The following RIF1 variants were observed in gnomAD, a reference collection of about 807,000 sequenced individuals.
RIF1 encodes replication timing regulatory factor 1.
In RIF1, 45 loss-of-function variants were observed where a neutral mutation model predicts 247.1. That is an observed-to-expected ratio of 0.18 (90% CI 0.14 to 0.23). RIF1 has a LOEUF of 0.23. Among genes scored for constraint, RIF1 ranks in the 10% least tolerant of loss-of-function variants. The pLI, the probability that RIF1 is intolerant of heterozygous loss-of-function variation, is 1.00. For missense variants in RIF1, 2,967 were observed against 2,862.5 expected (o/e 1.04, Z -0.83); for synonymous variants, 1,087 against 978.8 (o/e 1.11, Z -2.06).
chr2:151,445,258 A>G (rs1004523272), intron 18 of RIF1, 80 bp from the exon 19 acceptor site: 1 of 852,572 alleles, frequency 1.2e-6, no homozygotes, highest in Non-Finnish European at 2.0e-6. Flanking sequence ...TTTGCCCACT[A>G]CTTATAAATA....
intron 21 of RIF1, among the ~76,000 whole-genome samples, 157 bp downstream of exon 21, chr2:151,451,862 C>G (rs1032269005): frequency 6.6e-6 from 1 of 152,118 alleles, no homozygotes; most frequent in Non-Finnish European, 1.5e-5. Flanking sequence ...CATACATGTT[C>G]TCTCTCTTTT....
chr2:151,411,468 G>T (rs572014369), intron 3 of RIF1, 130 bp downstream of exon 3: 1 of 574,424 alleles, frequency 1.7e-6, no homozygotes, highest in African/African-American at 1.9e-5. Flanking sequence ...TCAGGCTCGG[G>T]CTCGGCTCAC....
intron 30 of RIF1, among the ~76,000 whole-genome samples, chr2:151,466,768 TCTTATA>T (rs1355501300): frequency 3.3e-5 from 5 of 152,254 alleles, no homozygotes; most frequent in African/African-American, 1.2e-4. Flanking sequence ...ACTCAACTTG[TCTTATA>T]CTTAACAAAA....
chr2:151,426,451 C>T (rs1402988417), intron 8 of RIF1, among the ~76,000 whole-genome samples: 1 of 150,536 alleles, frequency 6.6e-6, no homozygotes, highest in African/African-American at 2.4e-5. Context: ...TGGCATTACA[C>T]GTGTGAGCCA....
rs1210625767 is a variant in RIF1, at chr2:151,476,164, T to G, written c.*1093T>G. 1 of 152,172 alleles carries G rather than the reference T, an allele frequency of 6.6e-6. No homozygotes were observed. The highest frequency in any genetic ancestry group is 1.5e-5 in the Non-Finnish European group (1 of 68,006). The allele number at this position is 152,172 out of a possible 1,614,324, so 9.4% of individuals were successfully genotyped here. On this transcript the variant is annotated 3_prime_UTR_variant, in exon 36 of 36. Coordinates refer to ENST00000444746, the MANE Select transcript of RIF1 (RefSeq NM_018151.5). Reference sequence around the variant, plus strand: ...ACTAGAAAGTGTGCCTCCTTAAGATTTCTTAAAGGAAAGTTAGTTTCAGTA... The same window carrying G: ...ACTAGAAAGTGTGCCTCCTTAAGATGTCTTAAAGGAAAGTTAGTTTCAGTA...
At chr2:151,412,546 G>T (rs567377887) in intron 3 of RIF1, among the ~76,000 whole-genome samples, 1 of 152,040 alleles carries the variant, frequency 6.6e-6, no homozygotes, top group Non-Finnish European at 1.5e-5. Context: ...GGAGTGCAGT[G>T]GCACAATCTC....
intron 14 of RIF1, among the ~76,000 whole-genome samples, chr2:151,439,363 G>T (rs1029257101): frequency 8.5e-5 from 13 of 152,078 alleles, no homozygotes; most frequent in African/African-American, 3.1e-4. Flanking sequence ...AAAATTACAT[G>T]CTTAGAAATA....
In RIF1 at chr2:151,467,963, T is replaced by C. The variant is rs370383335; in HGVS notation, c.6601-37T>C. The C allele has an allele frequency of 2.6e-6, 4 of 1,554,720 alleles. No individual in the cohort carries two copies. The South Asian group carries it at 3.6e-5, about 14-fold the overall frequency. ...TTATGGTGTAATTTTTTAAAAACTT[T>C]AATTTTGTTAAGTAAAATCCTGACC... On this transcript the variant is annotated intron_variant, in intron 30 of 35. Coordinates refer to ENST00000444746, the MANE Select transcript of RIF1 (RefSeq NM_018151.5).
At chr2:151,484,903 G>A (rs1057228388), downstream of RIF1, among the ~76,000 whole-genome samples, 7 of 152,170 alleles carry the variant, frequency 4.6e-5, no homozygotes, top group Admixed American at 3.3e-4. Flanking sequence ...AAGTGAGTGC[G>A]CTCTCTTCAC....
In RIF1 at chr2:151,478,207, C is replaced by G. The variant is rs748760871; in HGVS notation, c.*3136C>G. 3.3e-5 allele frequency: 5 copies of G among 152,098 alleles called. No individual in the cohort carries two copies. The highest frequency in any genetic ancestry group is 7.4e-5 in the Non-Finnish European group (5 of 67,994). 9.4% of individuals were successfully genotyped at this position (152,098 alleles called of 1,614,324 possible). ...AAATAATGCTGTTGGATAATACAGG[C>G]AAAAACAGGATTTAAACCCGCACAT... On this transcript the variant is annotated 3_prime_UTR_variant, in exon 36 of 36. Coordinates refer to ENST00000444746, the MANE Select transcript of RIF1 (RefSeq NM_018151.5).
At chr2:151,457,996 C>G (rs369230860) in intron 24 of RIF1, 33 bp downstream of exon 24, 1 of 1,450,398 alleles carries the variant, frequency 6.9e-7, no homozygotes, top group East Asian at 2.3e-5. Flanking sequence ...ATACAACTAA[C>G]TATTCTGTTG....
In RIF1 at chr2:151,420,273, C is replaced by T. The variant is rs759734061; in HGVS notation, c.587C>T (p.Ala196Val). The part of the protein sequence containing the change: ...KLVIPLVVHS[A>V]QKVHLRGATA... ...GTCATACCTTTAGTGGTTCATTCAG[C>T]ACAAAAGGTACATTTGCGGGGAGCA... Residue 196 changes from alanine (A) to valine (V), a missense_variant, in exon 7 of 36, where the codon GCA (alanine) becomes GTA (valine). By Grantham distance (64) the Ala-to-Val change is moderately conservative. Transcript: ENST00000444746. The T allele has an allele frequency of 1.2e-6, 2 of 1,614,136 alleles. No individual in the cohort carries two copies. The highest frequency in any genetic ancestry group is 2.2e-5 in the East Asian group (1 of 44,880).
At chr2:151,421,015 A>G (rs1688075353) in intron 7 of RIF1, among the ~76,000 whole-genome samples, 1 of 152,246 alleles carries the variant, frequency 6.6e-6, no homozygotes. Flanking sequence ...CAGTAGATAC[A>G]AATTTAATGT....
At chr2:151,448,360 A>G (rs1278348474) in intron 20 of RIF1, among the ~76,000 whole-genome samples, 1 of 152,156 alleles carries the variant, frequency 6.6e-6, no homozygotes, top group Non-Finnish European at 1.5e-5. Context: ...GACAGTTCTT[A>G]TTGTAAAAGA....
chr2:151,461,337 G>C (rs1574115640), intron 27 of RIF1, 48 bp downstream of exon 27: 2 of 1,545,046 alleles, frequency 1.3e-6, no homozygotes, highest in Non-Finnish European at 1.8e-6. Context: ...TTCAGGCTTA[G>C]ATTTCATGCA....
Position 151,498,352 on chromosome 2 carries a change from C to A in RIF1, c.*514-993C>A, listed in dbSNP as rs1037262755. 2.1e-5 allele frequency: 32 copies of A among 1,543,410 alleles called. No individual in the cohort carries two copies. In the Middle Eastern group the frequency reaches 5.0e-4, roughly 24 times the overall value. On this transcript the variant is annotated intron_variant and NMD_transcript_variant, in intron 10 of 13. Transcript: ENST00000454583. Reference sequence around the variant, plus strand: ...GTCCCCAGGTTTTCTTTGTATAGCACCTGTATGATGAGAAAGCATCCAGAA... The same window carrying A: ...GTCCCCAGGTTTTCTTTGTATAGCAACTGTATGATGAGAAAGCATCCAGAA...
chr2:151,437,925 C>G (rs1691554582), intron 13 of RIF1, among the ~76,000 whole-genome samples: 1 of 152,096 alleles, frequency 6.6e-6, no homozygotes, highest in Admixed American at 6.5e-5. Context: ...GCCTAAACTC[C>G]TGTGTTACAT....
intron 13 of RIF1, among the ~76,000 whole-genome samples, chr2:151,438,211 C>T (rs900553830): frequency 2.0e-5 from 3 of 152,110 alleles, no homozygotes; most frequent in Admixed American, 6.6e-5. Flanking sequence ...GACATGGTAG[C>T]GCATGCCTGT....
At chr2:151,525,615 C>T in the RIF1 span, among the ~76,000 whole-genome samples, 1 of 152,234 alleles carries the variant, frequency 6.6e-6, no homozygotes, top group East Asian at 1.9e-4. Context: ...ATTACTGAGG[C>T]CCAAAGAGGT....
Sources: gnomAD v4.1 joint callset for allele counts (sites outside exome capture counted in the v4.1 genomes callset) on GRCh38, gnomAD v4.1.1 for gene constraint, MANE v1.5 for transcripts, NCBI Gene and HGNC (gene_info 2026-07-23, HGNC 2026-07-21) for gene names.